Variants in C13orf42 observed in about 807,000 individuals in gnomAD.
C13orf42 encodes uncharacterized protein C13orf42.
At chr13:51,103,799 T>C (rs1455039357) in intron 1 of C13orf42, among the ~76,000 whole-genome samples, 1 of 151,936 alleles carries the variant, frequency 6.6e-6, no homozygotes, top group East Asian at 1.9e-4. Context: ...GAAGAATGAA[T>C]ATGATTCCAC....
At chr13:51,096,759 T>C (rs751987659) in intron 1 of C13orf42, among the ~76,000 whole-genome samples, 8 of 152,212 alleles carry the variant, frequency 5.3e-5, no homozygotes, top group Admixed American at 1.3e-4. Flanking sequence ...TCGTAATTTG[T>C]TAGATTCCTA....
chr13:51,163,585 C>T (rs1193229613), intron 1 of C13orf42, among the ~76,000 whole-genome samples: 2 of 152,210 alleles, frequency 1.3e-5, no homozygotes, highest in East Asian at 1.9e-4. Flanking sequence ...TACCAACCCA[C>T]ACCTAGCAGC....
At chr13:51,118,935 A>G (rs1361074854) in intron 1 of C13orf42, among the ~76,000 whole-genome samples, 2 of 152,022 alleles carry the variant, frequency 1.3e-5, no homozygotes, top group Non-Finnish European at 2.9e-5. Flanking sequence ...GCCCAAGTGT[A>G]TGGCATGCTC....
chr13:51,092,848 A>C (rs1475154770), intron 1 of C13orf42, among the ~76,000 whole-genome samples: 1 of 152,148 alleles, frequency 6.6e-6, no homozygotes, highest in East Asian at 1.9e-4. Flanking sequence ...AGAAAATAGA[A>C]CTATGAACCC....
rs1298732263 is a variant in C13orf42, at chr13:51,082,390, T to TA, written c.*1760_*1761insT. On this transcript the variant is annotated 3_prime_UTR_variant, in exon 4 of 4. Coordinates refer to ENST00000563710, the MANE Select transcript of C13orf42 (RefSeq NM_001351589.3). Reference sequence around the variant, plus strand: ...ATGTGCCATAAGCAATAAATGCTTTTTAAAAAATCAGGACTCCAAACATCC... The same window carrying TA: ...ATGTGCCATAAGCAATAAATGCTTTTATAAAAAATCAGGACTCCAAACATCC... 7 of 152,182 alleles carry TA rather than the reference T, an allele frequency of 4.6e-5. No homozygotes were observed. Among genetic ancestry groups the TA allele is most frequent in the African/African-American group, 1.7e-4 (7 of 41,448 alleles). 9.4% of individuals were successfully genotyped at this position (152,182 alleles called of 1,614,324 possible). A position where few individuals can be genotyped will look rare whatever the true frequency, so the allele number is the denominator to read the frequency against.
intron 1 of C13orf42, among the ~76,000 whole-genome samples, chr13:51,142,801 T>C (rs1318292764): frequency 6.6e-6 from 1 of 152,048 alleles, no homozygotes; most frequent in East Asian, 1.9e-4. Flanking sequence ...AATAATGTTA[T>C]ATAAGAAAGA....
chr13:51,107,683 T>C (rs897764228), intron 1 of C13orf42, among the ~76,000 whole-genome samples: 1 of 152,174 alleles, frequency 6.6e-6, no homozygotes, highest in Non-Finnish European at 1.5e-5. Context: ...GACATCAGAC[T>C]TTTAAAGGCT....
At chr13:51,166,987 G>A (rs1463240208) in intron 1 of C13orf42, among the ~76,000 whole-genome samples, 1 of 151,930 alleles carries the variant, frequency 6.6e-6, no homozygotes, top group African/African-American at 2.4e-5. Context: ...GCTGAGGCAG[G>A]AGAATCACTT....
At chr13:51,145,260 C>T (rs947808617) in intron 1 of C13orf42, among the ~76,000 whole-genome samples, 3 of 152,170 alleles carry the variant, frequency 2.0e-5, no homozygotes, top group Admixed American at 6.5e-5. Context: ...AACCTATTTA[C>T]ATACATAAGC....
chr13:51,149,884 C>T (rs1221446332), intron 1 of C13orf42, among the ~76,000 whole-genome samples: 1 of 152,158 alleles, frequency 6.6e-6, no homozygotes, highest in African/African-American at 2.4e-5. Flanking sequence ...CAAAAAGATA[C>T]TAACACTAAC....
intron 1 of C13orf42, among the ~76,000 whole-genome samples, chr13:51,132,133 A>G (rs1457743628): frequency 2.0e-5 from 3 of 152,034 alleles, no homozygotes; most frequent in African/African-American, 7.2e-5. Context: ...ATATTGTTGT[A>G]CTCTTTGTGT....
intron 1 of C13orf42, among the ~76,000 whole-genome samples, chr13:51,166,642 T>C (rs963951460): frequency 6.6e-5 from 10 of 150,478 alleles, no homozygotes; most frequent in Middle Eastern, 3.5e-3. Context: ...AATAAAACAC[T>C]GTTCTTTCCG....
chr13:51,136,372 A>C (rs529214703), intron 1 of C13orf42, among the ~76,000 whole-genome samples: 6 of 152,130 alleles, frequency 3.9e-5, no homozygotes, highest in Admixed American at 3.3e-4. Context: ...CCTCCAGAGA[A>C]CCCCAGTGAC....
At chr13:51,105,774 G>T (rs1439538788) in intron 1 of C13orf42, among the ~76,000 whole-genome samples, 1 of 151,924 alleles carries the variant, frequency 6.6e-6, no homozygotes, top group African/African-American at 2.4e-5. Flanking sequence ...TAACAATTCT[G>T]TATGCTCTTG....
At chr13:51,132,555 C>T (rs1953625856) in intron 1 of C13orf42, among the ~76,000 whole-genome samples, 1 of 152,170 alleles carries the variant, frequency 6.6e-6, no homozygotes, top group Admixed American at 6.5e-5. Flanking sequence ...CATACTTATG[C>T]TTTCTAAGCT....
intron 1 of C13orf42, among the ~76,000 whole-genome samples, chr13:51,139,103 G>A (rs761927720): frequency 6.6e-6 from 1 of 152,124 alleles, no homozygotes; most frequent in Non-Finnish European, 1.5e-5. Context: ...GGTCGCTTGA[G>A]GTCAGGAGTT....
intron 1 of C13orf42, among the ~76,000 whole-genome samples, chr13:51,135,396 T>C (rs1442945622): frequency 6.6e-6 from 1 of 152,110 alleles, no homozygotes; most frequent in Non-Finnish European, 1.5e-5. Flanking sequence ...ATCCCAGTGC[T>C]TTGGGAGGCC....
intron 1 of C13orf42, among the ~76,000 whole-genome samples, chr13:51,119,005 G>A (rs563915599): frequency 2.6e-4 from 39 of 150,616 alleles, no homozygotes; most frequent in Non-Finnish European, 4.3e-4. Context: ...CCAGGTGTAC[G>A]GCATGCCCAA....
chr13:51,100,029 A>C lies in C13orf42; in HGVS notation c.414+10767T>G, dbSNP rs117416017. Among the ~76,000 whole-genome samples, 305 of 152,338 alleles carry C rather than the reference A, an allele frequency of 2.0e-3. 2 individuals carry two copies. The highest frequency in any genetic ancestry group is 3.4e-3 in the Non-Finnish European group (233 of 68,030). On this transcript the variant is annotated intron_variant, in intron 1 of 3. Transcript: ENST00000563710. ...TGAAATGTCACAATCCACTAAGAGA[A>C]GGAATGTACACTTTTATATACATGC...
Sources: allele counts gnomAD v4.1 joint callset (sites outside exome capture counted in the v4.1 genomes callset), GRCh38; gene constraint gnomAD v4.1.1; transcripts MANE v1.5; gene names NCBI Gene and HGNC (gene_info 2026-07-23, HGNC 2026-07-21).